The following CLCN3 variants were observed in gnomAD, a reference collection of about 807,000 sequenced individuals.
CLCN3 encodes H(+)/Cl(-) exchange transporter 3.
CLCN3 carries 16 observed loss-of-function variants against 83.4 expected under a neutral mutation model. The ratio of observed to expected loss-of-function variants is 0.19; its 90% CI spans 0.13 to 0.29. The LOEUF (loss-of-function observed/expected upper bound fraction) is 0.29. Ranked by LOEUF, CLCN3 falls within the 10% of genes least tolerant of loss-of-function variation. The pLI is 1.00. For missense variants in CLCN3, 544 were observed against 1,006.0 expected, an observed-to-expected ratio of 0.54 and a Z score of 6.21; for synonymous variants, 322 against 346.2, an observed-to-expected ratio of 0.93 and a Z score of 0.78.
In CLCN3 at chr4:169,626,566, A is replaced by C. The variant is rs567324473; in HGVS notation, c.-17+5503A>C. On this transcript the variant is annotated intron_variant, in intron 1 of 12. Transcript: ENST00000513761. ...AGGGAAGGTCTTATGACCCACAGTC[A>C]GACAGGCTGTGGAAGATTAGAGTTC... is the stretch of plus-strand genomic sequence containing the variant. Among the ~76,000 whole-genome samples the C allele has an allele frequency of 2.0e-5, 3 of 152,360 alleles. No individual in the cohort carries two copies. In the East Asian group the frequency reaches 5.8e-4, roughly 29 times the overall value.
In CLCN3 at chr4:169,697,267, A is replaced by G; in HGVS notation, c.1096A>G (p.Ile366Val). The G allele has an allele frequency of 6.2e-7, 1 of 1,613,556 alleles. No individual in the cohort carries two copies. The highest frequency in any genetic ancestry group is 8.5e-7 in the Non-Finnish European group (1 of 1,179,910). ...AGTGGCTGCATTTGTTTTGAGGTCC[A>G]TCAATCCATTTGGTAACAGCCGTCT... is the stretch of plus-strand genomic sequence containing the variant. ...ALVAAFVLRS[I>V]NPFGNSRLVL... Residue 366 changes from isoleucine to valine, a missense_variant, in exon 9 of 13, where the codon ATC becomes GTC. Transcript: ENST00000513761.
chr4:169,627,321 A>C (rs1451855141), intron 1 of CLCN3, among the ~76,000 whole-genome samples: 1 of 151,996 alleles, frequency 6.6e-6, no homozygotes, highest in South Asian at 2.1e-4. Flanking sequence ...AATTTATCCT[A>C]ATTCTTCAAT....
At chr4:169,696,517 T>C (rs2150254980) in intron 8 of CLCN3, among the ~76,000 whole-genome samples, 1 of 152,266 alleles carries the variant, frequency 6.6e-6, no homozygotes, top group South Asian at 2.1e-4. Context: ...GATTAGCAAA[T>C]CCCTCAAATA....
intron 3 of CLCN3, among the ~76,000 whole-genome samples, chr4:169,685,871 A>G (rs1000582999): frequency 2.0e-5 from 3 of 152,250 alleles, no homozygotes; most frequent in African/African-American, 7.2e-5. Context: ...TTCTAATTCT[A>G]AAGAATGGTT....
chr4:169,620,790 G>A lies in CLCN3; in HGVS notation c.-290G>A. 2.5e-6 allele frequency: 1 copy of A among 398,668 alleles called. No homozygotes were observed. The highest frequency in any genetic ancestry group is 4.4e-6 in the Non-Finnish European group (1 of 226,090). 24.7% of individuals were successfully genotyped at this position (398,668 alleles called of 1,614,324 possible). ...TTTTTATTTTTAATTTTGGGCAGAA[G>A]CAGGTTGACTCTAGGGATCTCCAGA... On this transcript the variant is annotated 5_prime_UTR_variant, in exon 1 of 13. Transcript: ENST00000513761.
intron 12 of CLCN3, among the ~76,000 whole-genome samples, chr4:169,717,004 A>T (rs751388852): frequency 6.6e-6 from 1 of 152,180 alleles, no homozygotes; most frequent in Non-Finnish European, 1.5e-5. Flanking sequence ...TTTCCATTAT[A>T]AAACCAGTAA....
chr4:169,686,961 A>G (rs1483410359), intron 3 of CLCN3, among the ~76,000 whole-genome samples: 1 of 152,198 alleles, frequency 6.6e-6, no homozygotes, highest in Non-Finnish European at 1.5e-5. Flanking sequence ...TACCAATGGG[A>G]TCGGAGCTCT....
intron 11 of CLCN3, among the ~76,000 whole-genome samples, chr4:169,708,897 AT>A (rs1733090745): frequency 6.6e-6 from 1 of 150,754 alleles, no homozygotes; most frequent in South Asian, 2.1e-4. Context: ...AAAGTTTTAA[AT>A]TTTTAACTGG....
intron 2 of CLCN3, among the ~76,000 whole-genome samples, chr4:169,638,251 A>G (rs923887050): frequency 6.6e-6 from 1 of 152,122 alleles, no homozygotes; most frequent in Non-Finnish European, 1.5e-5. Context: ...TTACCACTTC[A>G]TGGAAAATGC....
intron 12 of CLCN3, among the ~76,000 whole-genome samples, chr4:169,714,504 C>T (rs961617919): frequency 1.3e-5 from 2 of 152,018 alleles, no homozygotes; most frequent in Admixed American, 1.3e-4. Context: ...AATAATTTGC[C>T]CAAAGTCATG....
intron 2 of CLCN3, chr4:169,659,976 A>G (rs981213060): frequency 1.8e-5 from 16 of 891,020 alleles, no homozygotes; most frequent in African/African-American, 3.6e-5. Flanking sequence ...TCTTAAAACC[A>G]AAAGAAATAA....
intron 2 of CLCN3, among the ~76,000 whole-genome samples, chr4:169,655,633 C>T (rs994136710): frequency 6.6e-5 from 10 of 152,210 alleles, no homozygotes; most frequent in South Asian, 2.1e-4. Flanking sequence ...TAGCTAGGAC[C>T]GCAGGCATGT....
chr4:169,671,096 G>A (rs1322941397), intron 2 of CLCN3, among the ~76,000 whole-genome samples: 3 of 152,044 alleles, frequency 2.0e-5, no homozygotes, highest in Non-Finnish European at 4.4e-5. Flanking sequence ...CCCATTACTG[G>A]GTGTATACCC....
chr4:169,668,730 AT>A (rs538629875), intron 2 of CLCN3, among the ~76,000 whole-genome samples: 14,441 of 141,484 alleles, frequency 0.1, 659 homozygotes, highest in African/African-American at 0.14. Context: ...AAAGTTTTTG[AT>A]TTTTTTTTTT....
At chr4:169,664,887 C>G (rs185252287) in intron 2 of CLCN3, among the ~76,000 whole-genome samples, 1 of 152,148 alleles carries the variant, frequency 6.6e-6, no homozygotes, top group African/African-American at 2.4e-5. Flanking sequence ...TTCCCAGCAT[C>G]GAGGTTTCTG....
At chr4:169,661,110 A>AC (rs1165790940) in intron 2 of CLCN3, among the ~76,000 whole-genome samples, 1 of 152,196 alleles carries the variant, frequency 6.6e-6, no homozygotes, top group African/African-American at 2.4e-5. Flanking sequence ...GCAGAAGAGC[A>AC]CCCAGCATGC....
chr4:169,687,836 T>G, intron 4 of CLCN3, 79 bp downstream of exon 4: 1 of 698,230 alleles, frequency 1.4e-6, no homozygotes, highest in Non-Finnish European at 2.3e-6. Flanking sequence ...TCAATTTTTT[T>G]TCAGGTACCA....
At chr4:169,681,148 A>C (rs758948551) in intron 3 of CLCN3, among the ~76,000 whole-genome samples, 1 of 152,160 alleles carries the variant, frequency 6.6e-6, no homozygotes, top group Non-Finnish European at 1.5e-5. Flanking sequence ...TCCCAGGTTC[A>C]AGCGATTCTT....
Position 169,620,651 on chromosome 4 carries a change from C to G in CLCN3, c.-429C>G. 2.5e-6 allele frequency: 1 copy of G among 397,956 alleles called. No individual in the cohort carries two copies. The highest frequency in any genetic ancestry group is 4.4e-6 in the Non-Finnish European group (1 of 226,090). 24.7% of individuals were successfully genotyped at this position (397,956 alleles called of 1,614,324 possible). A position where few individuals can be genotyped will look rare whatever the true frequency, so the allele number is the denominator to read the frequency against. On this transcript the variant is annotated 5_prime_UTR_variant, in exon 1 of 13. Transcript: ENST00000513761. ...CCCTTTCCCAGTGTTCTAGTTCGCC[C>G]GTGACCCGGAATAATGAGCAAGGAG...
Sources: allele counts gnomAD v4.1 joint callset (sites outside exome capture counted in the v4.1 genomes callset), GRCh38; gene constraint gnomAD v4.1.1; transcripts MANE v1.5; gene names NCBI Gene and HGNC (gene_info 2026-07-23, HGNC 2026-07-21).